The following PLEKHA5 variants were observed in gnomAD, a reference collection of about 807,000 sequenced individuals.
PLEKHA5 encodes the protein pleckstrin homology domain-containing family A member 5.
In PLEKHA5, 55 loss-of-function variants were observed where a neutral mutation model predicts 181.9. The observed-to-expected ratio is 0.30, with a 90% CI of 0.24 to 0.38. PLEKHA5 has a LOEUF of 0.38. Among genes scored for constraint, PLEKHA5 ranks in the 10% least tolerant of loss-of-function variants. PLEKHA5 has a pLI of 1.00. For missense variants in PLEKHA5, 1,432 were observed against 1,549.5 expected, an observed-to-expected ratio of 0.92 and a Z score of 1.27; for synonymous variants, 535 against 529.4, an observed-to-expected ratio of 1.01 and a Z score of -0.15.
At chr12:19,275,466 A>G (rs986276300) in intron 11 of PLEKHA5, among the ~76,000 whole-genome samples, 3 of 152,196 alleles carry the variant, frequency 2.0e-5, no homozygotes, top group African/African-American at 4.8e-5. Flanking sequence ...CAGAATGCAC[A>G]TAACTATTAA....
At chr12:19,142,247 T>G (rs2037580599) in intron 3 of PLEKHA5, among the ~76,000 whole-genome samples, 1 of 152,064 alleles carries the variant, frequency 6.6e-6, no homozygotes, top group Non-Finnish European at 1.5e-5. Context: ...TGTACCCCTA[T>G]AGTCCTGGTT....
At chr12:19,233,452 T>G (rs2060931546) in intron 3 of PLEKHA5, among the ~76,000 whole-genome samples, 1 of 152,204 alleles carries the variant, frequency 6.6e-6, no homozygotes, top group African/African-American at 2.4e-5. Flanking sequence ...GTAGGAGATC[T>G]GTTTCTTAAC....
At chr12:19,241,363 AAG>A (rs1334354155) in intron 3 of PLEKHA5, among the ~76,000 whole-genome samples, 2 of 152,162 alleles carry the variant, frequency 1.3e-5, no homozygotes, top group Non-Finnish European at 2.9e-5. Flanking sequence ...CTCAATAGTG[AAG>A]AGTCTTGTTA....
rs147435028 is a variant in PLEKHA5, at chr12:19,326,902, T to C, written c.2448+4235T>C. 2.8e-3 allele frequency among the ~76,000 whole-genome samples: 433 copies of C among 152,338 alleles called. 1 individual carries two copies. The highest frequency in any genetic ancestry group is 5.2e-3 in the Non-Finnish European group (351 of 68,022). On this transcript the variant is annotated intron_variant, in intron 20 of 31. Transcript: ENST00000429027. ...GATGCTGCAAAGGACATGATTTCAT[T>C]CTTTGTTATGGTTGTGTAGTACCGT...
At chr12:19,296,347 G>C (rs1406480865) in intron 15 of PLEKHA5, among the ~76,000 whole-genome samples, 2 of 151,964 alleles carry the variant, frequency 1.3e-5, no homozygotes, top group African/African-American at 2.4e-5. Flanking sequence ...AGGATTCCGA[G>C]ACCAGCCTGG....
chr12:19,355,944 C>T (rs2094902705), intron 26 of PLEKHA5, among the ~76,000 whole-genome samples: 1 of 151,898 alleles, frequency 6.6e-6, no homozygotes, highest in African/African-American at 2.4e-5. Context: ...GCAGGCAGAT[C>T]ATTTGAAGTC....
intron 7 of PLEKHA5, among the ~76,000 whole-genome samples, chr12:19,262,641 T>C (rs1257382802): frequency 6.6e-6 from 1 of 152,174 alleles, no homozygotes; most frequent in Non-Finnish European, 1.5e-5. Context: ...TTTACTATAA[T>C]AGGAAAGCTT....
chr12:19,193,833 G>T (rs2051884817), intron 3 of PLEKHA5, among the ~76,000 whole-genome samples: 1 of 152,216 alleles, frequency 6.6e-6, no homozygotes, highest in South Asian at 2.1e-4. Context: ...TCTGCTTCTG[G>T]GGAGGCCTTG....
chr12:19,173,036 A>G (rs1415451544), intron 3 of PLEKHA5, among the ~76,000 whole-genome samples: 1 of 6,094 alleles, frequency 1.6e-4, no homozygotes, highest in Non-Finnish European at 1.2e-3. Flanking sequence ...TTTTTTTTTG[A>G]GACGGAGTCT....
intron 7 of PLEKHA5, among the ~76,000 whole-genome samples, chr12:19,263,355 C>T (rs2069151717): frequency 6.6e-6 from 1 of 152,140 alleles, no homozygotes; most frequent in South Asian, 2.1e-4. Flanking sequence ...GTGGCACAGT[C>T]AGGATTTGAA....
At chr12:19,352,076 C>CAA (rs1188985121) in intron 25 of PLEKHA5, among the ~76,000 whole-genome samples, 58 of 39,698 alleles carry the variant, frequency 1.5e-3, no homozygotes, top group African/African-American at 2.3e-3. Context: ...AACTCCATCT[C>CAA]AAAAAAAAAA....
intron 3 of PLEKHA5, among the ~76,000 whole-genome samples, chr12:19,202,557 G>A (rs1440319713): frequency 6.6e-6 from 1 of 151,528 alleles, no homozygotes; most frequent in Non-Finnish European, 1.5e-5. Flanking sequence ...CTTCACAAAT[G>A]GTTCTGCTAT....
intron 20 of PLEKHA5, among the ~76,000 whole-genome samples, chr12:19,323,032 T>A (rs1369178104): frequency 6.7e-6 from 1 of 148,986 alleles, no homozygotes; most frequent in Non-Finnish European, 1.5e-5. Flanking sequence ...TTTTTTTTTT[T>A]TTTTTTTTTT....
intron 4 of PLEKHA5, 99 bp downstream of exon 4, chr12:19,254,122 ATTTGTAGTCAAGTATAATAACAGAATGCC>A: frequency 4.1e-6 from 3 of 739,060 alleles, no homozygotes; most frequent in East Asian, 5.1e-5. Context: ...TTATCTGGAC[ATTTGTAGTCAAGTATAATAACAGAATGCC>A]AGCTGTTCAC....
At chr12:19,306,752 C>T in intron 15 of PLEKHA5, 2 of 1,049,544 alleles carry the variant, frequency 1.9e-6, no homozygotes, top group Admixed American at 1.7e-5. Flanking sequence ...GATAATTCAC[C>T]TTTGCCAATC....
At chr12:19,245,742 A>C (rs927886858) in intron 3 of PLEKHA5, among the ~76,000 whole-genome samples, 3 of 150,722 alleles carry the variant, frequency 2.0e-5, no homozygotes, top group Admixed American at 6.6e-5. Context: ...AAAAAAAAAA[A>C]AAAAAAAACC....
At chr12:19,306,049 C>T (rs1299465468) in intron 15 of PLEKHA5, among the ~76,000 whole-genome samples, 1 of 151,716 alleles carries the variant, frequency 6.6e-6, no homozygotes, top group East Asian at 1.9e-4. Context: ...CATTGTACTC[C>T]AGCCCAGGCG....
At chr12:19,195,636 G>A (rs1160520800) in intron 3 of PLEKHA5, among the ~76,000 whole-genome samples, 1 of 131,022 alleles carries the variant, frequency 7.6e-6, no homozygotes, top group Non-Finnish European at 1.5e-5. Context: ...TTGCGCCATT[G>A]CACTCCAGCC....
intron 5 of PLEKHA5, among the ~76,000 whole-genome samples, chr12:19,257,041 A>G (rs778468501): frequency 1.4e-4 from 21 of 152,170 alleles, no homozygotes; most frequent in Non-Finnish European, 2.2e-4. Context: ...AACCTGCACT[A>G]TTAAATGCAG....
Sources: gnomAD v4.1 joint callset for allele counts (sites outside exome capture counted in the v4.1 genomes callset) on GRCh38, gnomAD v4.1.1 for gene constraint, MANE v1.5 for transcripts, NCBI Gene and HGNC (gene_info 2026-07-23, HGNC 2026-07-21) for gene names.